The following ST8SIA6 variants were observed in gnomAD, a reference collection of about 807,000 sequenced individuals.
ST8SIA6 encodes the protein alpha-2,8-sialyltransferase 8F.
ST8SIA6 carries 39 observed loss-of-function variants against 33.6 expected under a neutral mutation model. The ratio of observed to expected loss-of-function variants is 1.16; its 90% CI spans 0.90 to 1.52. The LOEUF (loss-of-function observed/expected upper bound fraction) is 1.52. Among genes scored for constraint, ST8SIA6 ranks in the 40% most tolerant of loss-of-function variants. The probability of loss-of-function intolerance (pLI) is 0.00; values close to 1 mark genes in which losing one functional copy is unlikely to be tolerated. For missense variants in ST8SIA6, 441 were observed against 443.8 expected (o/e 0.99, Z 0.06); for synonymous variants, 172 against 167.2 (o/e 1.03, Z -0.22).
intron 2 of ST8SIA6, among the ~76,000 whole-genome samples, chr10:17,432,826 T>C (rs1057237162): frequency 1.3e-5 from 2 of 152,220 alleles, no homozygotes; most frequent in East Asian, 3.8e-4. Context: ...TTTTGGCCAA[T>C]CCCAGCGGCC....
chr10:17,358,785 GGAA>G (rs983377617), intron 4 of ST8SIA6, among the ~76,000 whole-genome samples: 1 of 151,642 alleles, frequency 6.6e-6, no homozygotes, highest in Non-Finnish European at 1.5e-5. Context: ...AAGATGATGA[GGAA>G]GAAGGAGGAG....
intron 2 of ST8SIA6, among the ~76,000 whole-genome samples, chr10:17,411,213 T>A (rs1405545691): frequency 6.6e-6 from 1 of 151,982 alleles, no homozygotes; most frequent in Admixed American, 6.6e-5. Flanking sequence ...TGTGATAGAA[T>A]TTCACTCTTG....
intron 2 of ST8SIA6, among the ~76,000 whole-genome samples, chr10:17,441,349 G>A (rs1286859803): frequency 1.5e-5 from 2 of 130,314 alleles, no homozygotes; most frequent in African/African-American, 4.0e-5. Context: ...AGTCTCGCTC[G>A]TTTCCCAGGC....
chr10:17,386,200 C>A, intron 3 of ST8SIA6, among the ~76,000 whole-genome samples: 1 of 148,328 alleles, frequency 6.7e-6, no homozygotes. Context: ...CACACACACA[C>A]ATACACACAG....
At position 17,321,116 on chromosome 10, in the gene ST8SIA6, C is replaced by A. The variant is rs765868275; in HGVS notation, c.959G>T (p.Arg320Leu). 3 of 1,614,048 alleles carry A rather than the reference C, an allele frequency of 1.9e-6. No individual in the cohort carries two copies. Among genetic ancestry groups the A allele is most frequent in the Non-Finnish European group, 2.5e-6 (3 of 1,179,972 alleles). The change falls in exon 8 of 8, where the codon CGC (arginine) becomes CTC (leucine). Residue 320 changes from arginine to leucine, a missense_variant. Coordinates refer to ENST00000377602, the MANE Select transcript of ST8SIA6 (RefSeq NM_001004470.3). ...TGTGATCATCAAGCCGGTGGACAAG[C>A]GGTATGCAGTCACACCTTTAGTTCT... is the stretch of plus-strand genomic sequence containing the variant. ...FWRTKGVTAY[R>L]LSTGLMITSV...
chr10:17,395,130 A>G (rs1850762301), intron 2 of ST8SIA6, among the ~76,000 whole-genome samples: 1 of 152,162 alleles, frequency 6.6e-6, no homozygotes, highest in Admixed American at 6.5e-5. Flanking sequence ...TGATGGTTTT[A>G]TAAGGGGAAA....
chr10:17,453,539 C>T lies in ST8SIA6; in HGVS notation c.200+20G>A. On this transcript the variant is annotated intron_variant, in intron 2 of 7. Coordinates refer to ENST00000377602, the MANE Select transcript of ST8SIA6 (RefSeq NM_001004470.3). ...CGCAGCTCCCGAGCCCCAGTCCGCCCGCGCTGGGCGCCGCTGTACCTGTTA... is the reference window on the plus strand; with the variant it reads ...CGCAGCTCCCGAGCCCCAGTCCGCCTGCGCTGGGCGCCGCTGTACCTGTTA... 1 of 1,285,462 alleles carries T rather than the reference C, an allele frequency of 7.8e-7. No homozygotes were observed. The highest frequency in any genetic ancestry group is 9.9e-7 in the Non-Finnish European group (1 of 1,008,404). 79.6% of individuals were successfully genotyped at this position (1,285,462 alleles called of 1,614,324 possible).
At chr10:17,341,415 G>T (rs918785097) in intron 4 of ST8SIA6, among the ~76,000 whole-genome samples, 1 of 152,164 alleles carries the variant, frequency 6.6e-6, no homozygotes, top group Non-Finnish European at 1.5e-5. Context: ...GGACCATAAG[G>T]TAAAGGAATA....
At chr10:17,372,421 G>A (rs1334752089) in intron 3 of ST8SIA6, among the ~76,000 whole-genome samples, 1 of 152,122 alleles carries the variant, frequency 6.6e-6, no homozygotes, top group African/African-American at 2.4e-5. Context: ...TCGGAGTAGT[G>A]GAAATAGAAT....
rs1300470129 is a variant in ST8SIA6, at chr10:17,317,517, C to T, written c.*3361G>A. Among the ~76,000 whole-genome samples the T allele has an allele frequency of 6.6e-6, 1 of 152,072 alleles. No homozygotes were observed. The highest frequency in any genetic ancestry group is 2.4e-5 in the African/African-American group (1 of 41,404). ...TTTTAATGGCATAATAATGTGTTTC[C>T]ATGTCATGTTAGATAAATAAAATGT... On this transcript the variant is annotated 3_prime_UTR_variant, in exon 8 of 8. Coordinates refer to ENST00000377602, the MANE Select transcript of ST8SIA6 (RefSeq NM_001004470.3).
chr10:17,383,948 C>T (rs1850249019), intron 3 of ST8SIA6, among the ~76,000 whole-genome samples: 1 of 152,186 alleles, frequency 6.6e-6, no homozygotes, highest in Admixed American at 6.5e-5. Context: ...ACTGATTTCT[C>T]TGGAATTTGG....
chr10:17,421,435 T>G (rs1458614618), intron 2 of ST8SIA6, among the ~76,000 whole-genome samples: 1 of 152,230 alleles, frequency 6.6e-6, no homozygotes, highest in East Asian at 1.9e-4. Flanking sequence ...TTGTATAGTA[T>G]GTAGTTTAAT....
At position 17,390,640 on chromosome 10, in the gene ST8SIA6, T is replaced by C; in HGVS notation, c.201-20A>G. 3 of 1,581,326 alleles carry C rather than the reference T, an allele frequency of 1.9e-6. No homozygotes were observed. Among genetic ancestry groups the C allele is most frequent in the Non-Finnish European group, 2.6e-6 (3 of 1,157,706 alleles). On this transcript the variant is annotated intron_variant, in intron 2 of 7. Transcript: ENST00000377602. ...TATGTGCTGTTTCATGAAAGAGATT[T>C]TTAAAAAGATTGATTTAAAATGAGA...
rs1470378 is a variant in ST8SIA6 at position 17,318,611 on chromosome 10, T to C, written c.*2267A>G. 2.2e-6 allele frequency: 1 copy of C among 461,246 alleles called. No individual in the cohort carries two copies. Among genetic ancestry groups the C allele is most frequent in the East Asian group, 7.0e-5 (1 of 14,364 alleles). 28.6% of individuals were successfully genotyped at this position (461,246 alleles called of 1,614,324 possible). On this transcript the variant is annotated 3_prime_UTR_variant, in exon 8 of 8. Transcript: ENST00000377602. ...TTTAAGAGCAGAAGATCACATTAGA[T>C]CTAACAATATTTAAGCAATGCTGAT...
chr10:17,417,062 G>A (rs968205010), intron 2 of ST8SIA6, among the ~76,000 whole-genome samples: 1 of 152,100 alleles, frequency 6.6e-6, no homozygotes, highest in African/African-American at 2.4e-5. Flanking sequence ...ACAAAGCATC[G>A]TGCCAGCATC....
chr10:17,441,028 C>T (rs1039989697), intron 2 of ST8SIA6, among the ~76,000 whole-genome samples: 7 of 152,196 alleles, frequency 4.6e-5, no homozygotes, highest in South Asian at 2.1e-4. Flanking sequence ...GTATGATATA[C>T]AAATATCTTC....
At chr10:17,333,712 T>TAC (rs1848401456) in intron 4 of ST8SIA6, among the ~76,000 whole-genome samples, 3 of 38,194 alleles carry the variant, frequency 7.9e-5, no homozygotes, top group Admixed American at 3.5e-4. Flanking sequence ...TATATATATA[T>TAC]ATATATTTTT....
At chr10:17,415,803 C>CTTTTTTTT (rs968920842) in intron 2 of ST8SIA6, among the ~76,000 whole-genome samples, 15 of 92,230 alleles carry the variant, frequency 1.6e-4, no homozygotes, top group African/African-American at 4.8e-4. Context: ...CCTCACTTGT[C>CTTTTTTTT]TTTTTTTTTT....
chr10:17,448,595 A>ATTGTTGTTGTTG (rs199508692), intron 2 of ST8SIA6, among the ~76,000 whole-genome samples: 2 of 129,722 alleles, frequency 1.5e-5, no homozygotes, highest in East Asian at 2.0e-4. Flanking sequence ...CAGGGTTTTT[A>ATTGTTGTTGTTG]TTGTTGTTGT....
Sources: allele counts gnomAD v4.1 joint callset (sites outside exome capture counted in the v4.1 genomes callset), GRCh38; gene constraint gnomAD v4.1.1; transcripts MANE v1.5; gene names NCBI Gene and HGNC (gene_info 2026-07-23, HGNC 2026-07-21).